The following NXPE2 variants were observed in gnomAD, a reference collection of about 807,000 sequenced individuals.
NXPE2 encodes neurexophilin and PC-esterase domain family member 2, also known as NXPE family member 2.
NXPE2 carries 34 observed loss-of-function variants against 34.4 expected under a neutral mutation model. That is an observed-to-expected ratio of 0.99 (90% CI 0.75 to 1.31). NXPE2 has a LOEUF of 1.31. NXPE2 is among the 40% of genes most tolerant of loss of function. The pLI, the probability that NXPE2 is intolerant of heterozygous loss-of-function variation, is 0.00. For missense variants in NXPE2, 649 were observed against 672.5 expected, an observed-to-expected ratio of 0.97 and a Z score of 0.39; for synonymous variants, 235 against 231.3, an observed-to-expected ratio of 1.02 and a Z score of -0.15.
chr11:114,724,313 G>A, the NXPE2 span, among the ~76,000 whole-genome samples: 1 of 149,378 alleles, frequency 6.7e-6, no homozygotes, highest in African/African-American at 2.6e-5. Context: ...TCACCCCTGA[G>A]TGGACTGCAG....
the NXPE2 span, among the ~76,000 whole-genome samples, chr11:114,800,870 A>C: frequency 6.6e-6 from 1 of 152,204 alleles, no homozygotes; most frequent in Non-Finnish European, 1.5e-5. Context: ...AATGCTCAAT[A>C]AACAAGTATC....
the NXPE2 span, among the ~76,000 whole-genome samples, chr11:114,729,426 A>G: frequency 6.6e-6 from 1 of 152,144 alleles, no homozygotes; most frequent in Non-Finnish European, 1.5e-5. Context: ...ATATATACCC[A>G]GTAATGGCAT....
the NXPE2 span, among the ~76,000 whole-genome samples, chr11:114,464,839 A>G: frequency 6.6e-6 from 1 of 152,010 alleles, no homozygotes; most frequent in Non-Finnish European, 1.5e-5. Context: ...ATACAAAAAT[A>G]TTTCCTACAA....
chr11:114,625,746 C>T, the NXPE2 span, among the ~76,000 whole-genome samples: 1 of 152,148 alleles, frequency 6.6e-6, no homozygotes, highest in East Asian at 1.9e-4. Context: ...GTGATTTCTG[C>T]ATTTCCATCT....
chr11:114,762,813 G>A, the NXPE2 span, among the ~76,000 whole-genome samples: 71,898 of 151,918 alleles, frequency 0.47, 17,785 homozygotes, highest in South Asian at 0.6. Flanking sequence ...GGCACATTCA[G>A]AAGCTGCCAG....
chr11:114,653,606 C>CA, the NXPE2 span, among the ~76,000 whole-genome samples: 150 of 145,980 alleles, frequency 1.0e-3, 1 homozygote, highest in Admixed American at 8.6e-3. Context: ...CGGCTCACTG[C>CA]AAGCTTCAAC....
At chr11:114,532,501 T>C in the NXPE2 span, among the ~76,000 whole-genome samples, 1 of 152,194 alleles carries the variant, frequency 6.6e-6, no homozygotes. Flanking sequence ...TAAACCTTTT[T>C]CTATTTTTCC....
At chr11:114,634,614 T>C in the NXPE2 span, among the ~76,000 whole-genome samples, 1 of 152,068 alleles carries the variant, frequency 6.6e-6, no homozygotes, top group African/African-American at 2.4e-5. Context: ...ATTTAAGTCT[T>C]TAATACATTT....
chr11:114,796,497 G>T, the NXPE2 span, among the ~76,000 whole-genome samples: 1 of 152,108 alleles, frequency 6.6e-6, no homozygotes, highest in South Asian at 2.1e-4. Context: ...AGATAAAGTG[G>T]TTAACTGTTT....
At chr11:114,632,149 G>A in the NXPE2 span, among the ~76,000 whole-genome samples, 4 of 140,694 alleles carry the variant, frequency 2.8e-5, no homozygotes, top group African/African-American at 1.0e-4. Flanking sequence ...AATTTATTAT[G>A]TTATAAATAA....
the NXPE2 span, among the ~76,000 whole-genome samples, chr11:114,720,887 G>C: frequency 6.6e-6 from 1 of 152,142 alleles, no homozygotes; most frequent in Non-Finnish European, 1.5e-5. Flanking sequence ...AGGAGGATCT[G>C]ATAAAGAGCT....
the NXPE2 span, among the ~76,000 whole-genome samples, chr11:114,493,572 G>T: frequency 1.3e-5 from 2 of 152,078 alleles, no homozygotes; most frequent in Non-Finnish European, 2.9e-5. Flanking sequence ...CACTGATTGT[G>T]CAAACAACAA....
At chr11:114,530,788 T>G in the NXPE2 span, 1 of 1,614,204 alleles carries the variant, frequency 6.2e-7, no homozygotes, top group East Asian at 2.2e-5. Context: ...ATGATTTCCT[T>G]TATTCTGAGT....
At chr11:114,607,396 T>A in the NXPE2 span, among the ~76,000 whole-genome samples, 1 of 152,090 alleles carries the variant, frequency 6.6e-6, no homozygotes, top group African/African-American at 2.4e-5. Flanking sequence ...GCCTCTTGGG[T>A]AACCACTGTT....
chr11:114,761,130 A>G, the NXPE2 span, among the ~76,000 whole-genome samples: 3 of 152,208 alleles, frequency 2.0e-5, no homozygotes, highest in Non-Finnish European at 2.9e-5. Flanking sequence ...ATTTCTGCAA[A>G]TGTGCTTTAT....
intron 2 of NXPE2, among the ~76,000 whole-genome samples, chr11:114,681,447 G>T (rs990850578): frequency 3.3e-5 from 5 of 152,112 alleles, no homozygotes; most frequent in Non-Finnish European, 7.4e-5. Context: ...TGTTTTATTG[G>T]ACTCATTTAA....
At chr11:114,699,134 G>C (rs1450253870) in intron 3 of NXPE2, among the ~76,000 whole-genome samples, 1 of 152,120 alleles carries the variant, frequency 6.6e-6, no homozygotes, top group Non-Finnish European at 1.5e-5. Context: ...TAAAAAAGTG[G>C]TGAATGATAT....
At chr11:114,758,130 G>C in the NXPE2 span, among the ~76,000 whole-genome samples, 1 of 151,790 alleles carries the variant, frequency 6.6e-6, no homozygotes. Context: ...CAGATTCTGG[G>C]TTGGTGCTGG....
the NXPE2 span, among the ~76,000 whole-genome samples, chr11:114,657,131 C>T: frequency 1.3e-5 from 2 of 152,046 alleles, no homozygotes; most frequent in Admixed American, 6.6e-5. Flanking sequence ...CTTTTAGTTC[C>T]GGATTGTACT....
Sources: allele counts gnomAD v4.1 joint callset (sites outside exome capture counted in the v4.1 genomes callset), GRCh38; gene constraint gnomAD v4.1.1; transcripts MANE v1.5; gene names NCBI Gene and HGNC (gene_info 2026-07-23, HGNC 2026-07-21).